The following PCDHGA4 variants were observed in gnomAD, a reference collection of about 807,000 sequenced individuals.
PCDHGA4 encodes the protein protocadherin gamma subfamily A, 4, also known as protocadherin gamma-A4.
A neutral mutation model predicts 54.6 loss-of-function variants in PCDHGA4; 38 were observed. The observed-to-expected ratio is 0.70, with a 90% CI of 0.54 to 0.91. The LOEUF (loss-of-function observed/expected upper bound fraction) is 0.91, where lower values mean the gene tolerates loss of function less well. Among genes scored for constraint, PCDHGA4 ranks in the 40% least tolerant of loss-of-function variants. The pLI is 0.00. For synonymous variants in PCDHGA4, 511 were observed against 512.9 expected, an observed-to-expected ratio of 1.00 and a Z score of 0.05; for missense variants, 1,298 against 1,220.9, an observed-to-expected ratio of 1.06 and a Z score of -0.94.
intron 1 of PCDHGA4, chr5:141,364,295 A>G: frequency 6.6e-7 from 1 of 1,520,404 alleles, no homozygotes; most frequent in South Asian, 1.3e-5. Context: ...AGCAGGCTGA[A>G]CCAGAACTAA....
At chr5:141,374,961 G>C (rs1770983787) in intron 1 of PCDHGA4, 1 of 1,614,028 alleles carries the variant, frequency 6.2e-7, no homozygotes, top group Non-Finnish European at 8.5e-7. Flanking sequence ...CAAATTTTCT[G>C]TTTGAATGTT....
At chr5:141,361,514 AC>A in intron 1 of PCDHGA4, 1 of 1,614,028 alleles carries the variant, frequency 6.2e-7, no homozygotes, top group South Asian at 1.1e-5. Context: ...TACATGGTTC[AC>A]GTGGCAGAGA....
chr5:141,440,793 C>T (rs1448130354), intron 1 of PCDHGA4: 1 of 152,124 alleles, frequency 6.6e-6, no homozygotes, highest in Non-Finnish European at 1.5e-5. Context: ...TAGACGGCCC[C>T]CCAACAAAGC....
intron 1 of PCDHGA4, chr5:141,421,914 T>C: frequency 4.3e-6 from 7 of 1,613,742 alleles, no homozygotes; most frequent in Non-Finnish European, 5.9e-6. Flanking sequence ...CAGTTCCCAT[T>C]CGTGTGGTGG....
At chr5:141,386,548 G>T (rs1264128780) in intron 1 of PCDHGA4, among the ~76,000 whole-genome samples, 1 of 151,902 alleles carries the variant, frequency 6.6e-6, no homozygotes, top group Non-Finnish European at 1.5e-5. Context: ...GTTGTATTTG[G>T]TAGTATTTTG....
intron 1 of PCDHGA4, among the ~76,000 whole-genome samples, chr5:141,368,196 G>T (rs1437997648): frequency 1.3e-5 from 2 of 152,104 alleles, no homozygotes; most frequent in Non-Finnish European, 2.9e-5. Flanking sequence ...AGGGGAAAAG[G>T]TAATAAAATA....
intron 1 of PCDHGA4, chr5:141,421,725 C>T: frequency 6.2e-7 from 1 of 1,613,960 alleles, no homozygotes; most frequent in Non-Finnish European, 8.5e-7. Context: ...TGGGCGTGAA[C>T]TCCCTCCAGA....
chr5:141,456,093 T>G (rs1362649283), intron 1 of PCDHGA4, among the ~76,000 whole-genome samples: 1 of 151,986 alleles, frequency 6.6e-6, no homozygotes, highest in Non-Finnish European at 1.5e-5. Context: ...GAGACGGGAT[T>G]TCACCGTGTT....
intron 1 of PCDHGA4, chr5:141,428,501 C>A (rs970043746): frequency 8.4e-5 from 24 of 285,544 alleles, no homozygotes; most frequent in African/African-American, 3.9e-4. Context: ...TATGTTCCCT[C>A]GGATTCTAGA....
rs1393235114 is a variant in PCDHGA4, at chr5:141,476,581, G to T, written c.2515-18226G>T. ...CCGTGGCTCCGGGGACGCGCTTTCC[G>T]CTCGAGAGCGCGCACGATCCCGATG... On this transcript the variant is annotated intron_variant, in intron 1 of 3. Transcript: ENST00000571252. This position sits in a 1 kb window ranked among gnomAD's most constrained non-coding sequence, Gnocchi z 7.6. 8.7e-6 allele frequency: 14 copies of T among 1,614,112 alleles called. No homozygotes were observed. The Admixed American group carries it at 2.2e-4, about 25-fold the overall frequency.
At chr5:141,375,794 G>A (rs754100940) in intron 1 of PCDHGA4, 1 of 1,614,170 alleles carries the variant, frequency 6.2e-7, no homozygotes, top group East Asian at 2.2e-5. Context: ...CCCCACAGAC[G>A]GTTCCACTGG....
At chr5:141,400,629 C>A (rs1416723451) in intron 1 of PCDHGA4, 1 of 1,389,786 alleles carries the variant, frequency 7.2e-7, no homozygotes, top group African/African-American at 1.4e-5. Context: ...TTAGGGAAGT[C>A]AGAGCTGCTC....
chr5:141,476,158 G>A lies in PCDHGA4; in HGVS notation c.2515-18649G>A. 2 of 1,612,868 alleles carry A rather than the reference G, an allele frequency of 1.2e-6. No homozygotes were observed. Among genetic ancestry groups the A allele is most frequent in the Non-Finnish European group, 1.7e-6 (2 of 1,179,894 alleles). On this transcript the variant is annotated intron_variant, in intron 1 of 3. Transcript: ENST00000571252. The surrounding 1 kb of genome is among the most constrained non-coding windows in gnomAD (Gnocchi z 7.6). ...GGAGGAGCGGACTGGTAAGCACCGGGAGGGTAGTGGGAGTTTTGCTTCTGC... is the reference window on the plus strand; with the variant it reads ...GGAGGAGCGGACTGGTAAGCACCGGAAGGGTAGTGGGAGTTTTGCTTCTGC...
intron 1 of PCDHGA4, chr5:141,419,144 A>G: frequency 6.2e-7 from 1 of 1,613,940 alleles, no homozygotes; most frequent in South Asian, 1.1e-5. Context: ...AGACAGGGGC[A>G]AGCCTCCGTT....
chr5:141,504,578 TGCCCAGGATTCACAGCAA>T (rs2099839274), intron 2 of PCDHGA4, among the ~76,000 whole-genome samples: 1 of 148,500 alleles, frequency 6.7e-6, no homozygotes, highest in African/African-American at 2.5e-5. Flanking sequence ...GAACACCATC[TGCCCAGGATTCACAGCAA>T]GAGGGAACTT....
chr5:141,404,021 A>C lies in PCDHGA4; in HGVS notation c.2514+46400A>C, dbSNP rs192150782. 5 of 1,613,894 alleles carry C rather than the reference A, an allele frequency of 3.1e-6. No individual in the cohort carries two copies. The African/African-American group carries it at 4.0e-5, about 13-fold the overall frequency. ...CATTACATCTCTGTTTAGCCCAGTG[A>C]GAGAAGACGCACCTCAGGGAACAGT... On this transcript the variant is annotated intron_variant, in intron 1 of 3. Coordinates refer to ENST00000571252, the MANE Select transcript of PCDHGA4 (RefSeq NM_018917.4).
chr5:141,393,458 G>A (rs181214352), intron 1 of PCDHGA4: 5 of 1,614,020 alleles, frequency 3.1e-6, no homozygotes, highest in African/African-American at 2.7e-5. Context: ...TCACGGCCTC[G>A]GATGGCGGCA....
intron 1 of PCDHGA4, chr5:141,410,822 A>C: frequency 2.2e-6 from 1 of 461,410 alleles, no homozygotes; most frequent in Non-Finnish European, 3.6e-6. Context: ...AAATAATGTC[A>C]CCAGACTGAA....
chr5:141,497,414 C>A (rs1021294577), intron 2 of PCDHGA4, among the ~76,000 whole-genome samples: 34 of 152,066 alleles, frequency 2.2e-4, no homozygotes, highest in Admixed American at 2.0e-3. Flanking sequence ...CCCATTCCAT[C>A]AAATGAGAGG....
Sources: gnomAD v4.1 joint callset for allele counts (sites outside exome capture counted in the v4.1 genomes callset) on GRCh38, gnomAD v4.1.1 for gene constraint, Gnocchi (gnomAD v3.1) non-coding constraint, MANE v1.5 for transcripts, NCBI Gene and HGNC (gene_info 2026-07-23, HGNC 2026-07-21) for gene names.